MKLN1: variants seen among roughly 807,000 people sequenced by gnomAD.
MKLN1 encodes muskelin.
In MKLN1, 18 loss-of-function variants were observed where a neutral mutation model predicts 99.0. The observed-to-expected ratio is 0.18, with a 90% CI of 0.13 to 0.27. MKLN1 has a LOEUF of 0.27. Among genes scored for constraint, MKLN1 ranks in the 10% least tolerant of loss-of-function variants. MKLN1 has a pLI of 1.00. For missense variants in MKLN1, 621 were observed against 875.9 expected (o/e 0.71, Z 3.67); for synonymous variants, 288 against 293.2 (o/e 0.98, Z 0.18).
chr7:131,275,567 ATTTTTTT>A (rs869119196), intron 3 of MKLN1, among the ~76,000 whole-genome samples: 26 of 5,608 alleles, frequency 4.6e-3, no homozygotes, highest in Admixed American at 0.011. Flanking sequence ...ATATATATAT[ATTTTTTT>A]TTTTTTTTTT....
At chr7:131,405,782 G>A (rs1388872196) in intron 6 of MKLN1, among the ~76,000 whole-genome samples, 3 of 152,088 alleles carry the variant, frequency 2.0e-5, no homozygotes, top group Non-Finnish European at 4.4e-5. Flanking sequence ...GGGCCAGAGT[G>A]CATATCCTGT....
intron 4 of MKLN1, among the ~76,000 whole-genome samples, chr7:131,393,505 AG>A (rs1209464610): frequency 6.6e-6 from 1 of 152,192 alleles, no homozygotes; most frequent in Admixed American, 6.5e-5. Flanking sequence ...CTTCCTCTAA[AG>A]GTATTCTTTA....
chr7:131,131,743 A>G (rs1407224528), intron 1 of MKLN1, among the ~76,000 whole-genome samples: 2 of 152,184 alleles, frequency 1.3e-5, no homozygotes, highest in African/African-American at 4.8e-5. Context: ...TAAAAGAAAG[A>G]TGTATTAATC....
chr7:131,269,600 A>G (rs1471014794), intron 3 of MKLN1, among the ~76,000 whole-genome samples: 1 of 152,202 alleles, frequency 6.6e-6, no homozygotes. Context: ...ATATTTTTAA[A>G]TGTTTTCGTC....
chr7:131,240,311 T>C (rs1390356980), intron 3 of MKLN1, among the ~76,000 whole-genome samples: 1 of 152,184 alleles, frequency 6.6e-6, no homozygotes. Flanking sequence ...CCTTAATGTA[T>C]AAGGAGCAGA....
At chr7:131,293,235 T>C (rs1445113151) in intron 3 of MKLN1, among the ~76,000 whole-genome samples, 2 of 152,228 alleles carry the variant, frequency 1.3e-5, no homozygotes, top group African/African-American at 2.4e-5. Flanking sequence ...CATCCCAGAC[T>C]GACCAGCTCC....
intron 3 of MKLN1, among the ~76,000 whole-genome samples, chr7:131,205,879 C>T (rs1796802153): frequency 6.7e-6 from 1 of 149,964 alleles, no homozygotes; most frequent in African/African-American, 2.5e-5. Flanking sequence ...CTTCTGCTTC[C>T]AGCTGAGAAA....
chr7:131,283,715 C>T lies in MKLN1; in HGVS notation c.-179+80741C>T, dbSNP rs553002103. Among the ~76,000 whole-genome samples the T allele has an allele frequency of 2.6e-5, 4 of 152,050 alleles. No individual in the cohort carries two copies. In the South Asian group the frequency reaches 8.3e-4, roughly 32 times the overall value. ...CTCCCAAAAATGCTGGGATAACAGG[C>T]GTGTGCCATTGTGCCCGGCCGAGAA... On this transcript the variant is annotated intron_variant, in intron 3 of 7. Transcript: ENST00000416992.
chr7:131,355,773 G>T (rs1301476640), intron 1 of MKLN1, among the ~76,000 whole-genome samples: 3 of 150,498 alleles, frequency 2.0e-5, no homozygotes, highest in Non-Finnish European at 4.4e-5. Flanking sequence ...TGATCCTCCT[G>T]TCTCAGCCTC....
chr7:131,354,745 T>C (rs943935745), intron 1 of MKLN1, among the ~76,000 whole-genome samples: 3 of 152,156 alleles, frequency 2.0e-5, no homozygotes, highest in Non-Finnish European at 4.4e-5. Flanking sequence ...TTTAGTTTTC[T>C]GATTCATTTG....
chr7:131,267,917 C>CT (rs1797832231), intron 3 of MKLN1, among the ~76,000 whole-genome samples: 1 of 152,186 alleles, frequency 6.6e-6, no homozygotes, highest in Non-Finnish European at 1.5e-5. Flanking sequence ...TCAACCACAA[C>CT]ATTTTATAAT....
chr7:131,174,953 T>TGATAGATA (rs150554970), intron 2 of MKLN1, among the ~76,000 whole-genome samples: 27 of 140,992 alleles, frequency 1.9e-4, no homozygotes, highest in East Asian at 1.5e-3. Context: ...AACTGGTAGA[T>TGATAGATA]GATAGATAGA....
intron 12 of MKLN1, among the ~76,000 whole-genome samples, chr7:131,447,233 A>T (rs1363027946): frequency 6.6e-6 from 1 of 152,244 alleles, no homozygotes; most frequent in Non-Finnish European, 1.5e-5. Flanking sequence ...CTAAAATAGC[A>T]GCTTAGCATG....
chr7:131,413,449 T>G (rs569320938), intron 7 of MKLN1, among the ~76,000 whole-genome samples: 14 of 152,272 alleles, frequency 9.2e-5, no homozygotes, highest in African/African-American at 3.4e-4. Flanking sequence ...TTTCAACTAA[T>G]AGGAGAATTA....
chr7:131,177,611 TG>T (rs1796318805), intron 2 of MKLN1, among the ~76,000 whole-genome samples: 1 of 152,234 alleles, frequency 6.6e-6, no homozygotes, highest in Non-Finnish European at 1.5e-5. Flanking sequence ...TCTATATTCT[TG>T]CTTGTTTTTG....
chr7:131,454,256 A>C (rs1038839649), intron 12 of MKLN1, among the ~76,000 whole-genome samples: 1 of 152,218 alleles, frequency 6.6e-6, no homozygotes, highest in Non-Finnish European at 1.5e-5. Flanking sequence ...TTGACCATCA[A>C]CTTATTTGAT....
rs185177450 is a variant in MKLN1 at position 131,129,285 on chromosome 7, T to C, written c.-418-13535T>C. ...GGAATATAAATTGGTATAAACCTTC[T>C]GAGAGCAATTTGGTATTGTGTGTTA... On this transcript the variant is annotated intron_variant, in intron 1 of 7. Transcript: ENST00000416992. Among the ~76,000 whole-genome samples the C allele has an allele frequency of 1.3e-4, 20 of 152,310 alleles. No homozygotes were observed. The East Asian group carries it at 3.9e-3, about 29-fold the overall frequency.
intron 17 of MKLN1, among the ~76,000 whole-genome samples, chr7:131,481,481 C>T (rs908268633): frequency 4.6e-5 from 7 of 152,056 alleles, no homozygotes; most frequent in African/African-American, 1.4e-4. Context: ...GTGAGATGAT[C>T]ATCTTGAGCC....
At chr7:131,466,459 C>A in intron 15 of MKLN1, 44 bp downstream of exon 15, 1 of 1,394,766 alleles carries the variant, frequency 7.2e-7, no homozygotes, top group Non-Finnish European at 9.7e-7. Context: ...ACATTATCAG[C>A]TATATTTCTC....
Sources: gnomAD v4.1 joint callset for allele counts (sites outside exome capture counted in the v4.1 genomes callset) on GRCh38, gnomAD v4.1.1 for gene constraint, MANE v1.5 for transcripts, NCBI Gene and HGNC (gene_info 2026-07-23, HGNC 2026-07-21) for gene names.